Variants in AGAP6 observed in about 807,000 individuals in gnomAD.
The protein encoded by AGAP6 is ArfGAP with GTPase domain, ankyrin repeat and PH domain 6, also known as arf-GAP with GTPase, ANK repeat and PH domain-containing protein 6.
AGAP6 carries 29 observed loss-of-function variants against 63.9 expected under a neutral mutation model. The ratio of observed to expected loss-of-function variants is 0.45; its 90% CI spans 0.34 to 0.62. The LOEUF (loss-of-function observed/expected upper bound fraction) is 0.62. Among genes scored for constraint, AGAP6 ranks in the 20% least tolerant of loss-of-function variants. AGAP6 has a pLI of 0.01. For synonymous variants in AGAP6, 199 were observed against 332.9 expected (o/e 0.60, Z 4.38); for missense variants, 493 against 884.9 (o/e 0.56, Z 5.62).
At position 50,010,398 on chromosome 10, in the gene AGAP6, C is replaced by T; in HGVS notation, c.*212C>T. 1 of 1,025,422 alleles carries T rather than the reference C, an allele frequency of 9.8e-7. No individual in the cohort carries two copies. Among genetic ancestry groups the T allele is most frequent in the South Asian group, 1.7e-5 (1 of 59,962 alleles). 63.5% of individuals were successfully genotyped at this position (1,025,422 alleles called of 1,614,324 possible). A position where few individuals can be genotyped will look rare whatever the true frequency, so the allele number is the denominator to read the frequency against. ...CCAAGGTGGATTTGTTAGTCTCAGG[C>T]CCTCCTGGCCACATTGCCCAAGTCA... On this transcript the variant is annotated 3_prime_UTR_variant, in exon 8 of 8. Transcript: ENST00000412531.
Position 49,991,760 on chromosome 10 carries a change from C to G in AGAP6, c.361+16C>G. On this transcript the variant is annotated intron_variant, in intron 3 of 7. Transcript: ENST00000412531. ...CAAACAGATGGTGAGACGACATTGT[C>G]TTTTCCACCAAGAGAAAGAATAAAA... The G allele has an allele frequency of 1.3e-6, 2 of 1,597,986 alleles. No homozygotes were observed. Among genetic ancestry groups the G allele is most frequent in the South Asian group, 2.2e-5 (2 of 90,998 alleles).
At chr10:49,994,308 G>C (rs71258675) in intron 3 of AGAP6, 87 bp from the exon 4 acceptor site, 2 of 1,312,660 alleles carry the variant, frequency 1.5e-6, no homozygotes, top group Middle Eastern at 2.9e-4. Flanking sequence ...CTCATTTTAC[G>C]TAGGAGTAAT....
intron 2 of AGAP6, 121 bp from the exon 3 acceptor site, chr10:49,991,555 C>A: frequency 7.5e-7 from 1 of 1,341,924 alleles, no homozygotes; most frequent in South Asian, 1.4e-5. Context: ...ACATTCATTT[C>A]AATGGATAAG....
chr10:49,992,442 T>C (rs563346569), intron 3 of AGAP6, among the ~76,000 whole-genome samples: 38 of 152,336 alleles, frequency 2.5e-4, no homozygotes, highest in African/African-American at 8.7e-4. Context: ...TGCGAAGTAA[T>C]GCAGCACAGT....
chr10:49,996,284 A>G (rs1841483378), intron 4 of AGAP6, among the ~76,000 whole-genome samples: 3 of 151,950 alleles, frequency 2.0e-5, no homozygotes, highest in East Asian at 3.9e-4. Flanking sequence ...GGTCCTATCA[A>G]TTCCTTTTTT....
chr10:49,997,937 G>A (rs1162716374), intron 4 of AGAP6, among the ~76,000 whole-genome samples: 2 of 121,254 alleles, frequency 1.6e-5, no homozygotes, highest in African/African-American at 5.9e-5. Context: ...CTTCCATCCA[G>A]GTTGCTGGGA....
Position 50,008,937 on chromosome 10 carries a change from A to C in AGAP6, c.812A>C (p.Asn271Thr). 6.2e-7 allele frequency: 1 copy of C among 1,613,984 alleles called. No individual in the cohort carries two copies. Among genetic ancestry groups the C allele is most frequent in the Non-Finnish European group, 8.5e-7 (1 of 1,179,922 alleles). ...DPDKERKAPENHADTIGSGRA... is the reference protein window; with the variant it reads ...DPDKERKAPETHADTIGSGRA... ...GACAAAGAGAGGAAAGCCCCGGAGA[A>C]TCATGCTGACACCATCGGGAGCGGT... The change falls in exon 8 of 8, where the codon AAT (asparagine) becomes ACT (threonine). Residue 271 changes from asparagine (N) to threonine (T), a missense_variant. Physicochemically the swap from Asn to Thr is moderately conservative, Grantham distance 65. Around this residue, in one of 7 missense-constraint regions of AGAP6, gnomAD observed 342 missense variants for 533.4 expected, o/e 0.64. Coordinates refer to ENST00000412531, the MANE Select transcript of AGAP6 (RefSeq NM_001077665.3).
At chr10:50,006,605 G>A (rs1214223890) in intron 6 of AGAP6, among the ~76,000 whole-genome samples, 2 of 152,184 alleles carry the variant, frequency 1.3e-5, no homozygotes, top group Admixed American at 6.5e-5. Flanking sequence ...TCGAACTCCC[G>A]AAGGAGCTCA....
At chr10:49,989,770 G>A (rs1385533592) in intron 2 of AGAP6, among the ~76,000 whole-genome samples, 41 of 152,296 alleles carry the variant, frequency 2.7e-4, no homozygotes, top group East Asian at 1.3e-3. Flanking sequence ...AGTGCTTAAA[G>A]TAATTGTGAA....
intron 5 of AGAP6, among the ~76,000 whole-genome samples, chr10:50,003,736 G>A (rs541061427): frequency 2.6e-5 from 4 of 152,320 alleles, no homozygotes; most frequent in South Asian, 4.1e-4. Context: ...AGTTTAGGAC[G>A]AGAAACTGCT....
In AGAP6 at chr10:49,989,289, T is replaced by C. The variant is rs1554860308; in HGVS notation, c.224-19T>C. 23 of 1,596,266 alleles carry C rather than the reference T, an allele frequency of 1.4e-5. No individual in the cohort carries two copies. Among genetic ancestry groups the C allele is most frequent in the Non-Finnish European group, 1.9e-5 (23 of 1,179,586 alleles). On this transcript the variant is annotated intron_variant, in intron 1 of 7. Coordinates refer to ENST00000412531, the MANE Select transcript of AGAP6 (RefSeq NM_001077665.3). ...ATAAATGATTACATCCTTTTTCTTT[T>C]CTCCCTCTATACATATAGCTTTGGA...
At chr10:50,007,015 G>A (rs1265406020) in intron 6 of AGAP6, among the ~76,000 whole-genome samples, 70 of 150,794 alleles carry the variant, frequency 4.6e-4, no homozygotes, top group Non-Finnish European at 9.3e-4. Context: ...AAGTGTCAAT[G>A]AAAAAGCAGG....
Position 50,010,484 on chromosome 10 carries a change from C to G in AGAP6, c.*298C>G. The G allele has an allele frequency of 1.6e-6, 1 of 637,586 alleles. No individual in the cohort carries two copies. The highest frequency in any genetic ancestry group is 2.6e-6 in the Non-Finnish European group (1 of 383,298). 39.5% of individuals were successfully genotyped at this position (637,586 alleles called of 1,614,324 possible). On this transcript the variant is annotated 3_prime_UTR_variant, in exon 8 of 8. Transcript: ENST00000412531. The stretch of plus-strand genomic sequence containing the variant: ...GTGAAAACATATTTGAAATAAAGTT[C>G]ATAAATATGCATTGATTTTTGTACA...
At chr10:50,004,372 CATAAA>C (rs1421495803) in intron 5 of AGAP6, among the ~76,000 whole-genome samples, 1 of 151,152 alleles carries the variant, frequency 6.6e-6, no homozygotes. Context: ...TAAATAAATA[CATAAA>C]ATAAATCGCA....
intron 4 of AGAP6, among the ~76,000 whole-genome samples, chr10:49,996,330 C>A (rs1200343538): frequency 1.3e-5 from 2 of 151,994 alleles, no homozygotes; most frequent in Admixed American, 1.3e-4. Context: ...AGGCTTCCTT[C>A]CAATGTGTGG....
chr10:50,006,914 A>G (rs1841931500), intron 6 of AGAP6, among the ~76,000 whole-genome samples: 1 of 152,162 alleles, frequency 6.6e-6, no homozygotes, highest in South Asian at 2.1e-4. Context: ...AGTGAAGAAT[A>G]GAATGACTAC....
chr10:49,989,947 G>T (rs1172178764), intron 2 of AGAP6, among the ~76,000 whole-genome samples: 4 of 152,006 alleles, frequency 2.6e-5, no homozygotes, highest in African/African-American at 9.7e-5. Context: ...TTATTTACCT[G>T]CTTGTTCTAA....
chr10:49,994,262 A>G, intron 3 of AGAP6, 133 bp from the exon 4 acceptor site: 1 of 1,034,300 alleles, frequency 9.7e-7, no homozygotes, highest in Non-Finnish European at 1.3e-6. Context: ...TTTAAATTAT[A>G]AATTATTGAA....
chr10:49,993,862 T>G (rs1390896441), intron 3 of AGAP6, among the ~76,000 whole-genome samples: 1 of 152,008 alleles, frequency 6.6e-6, no homozygotes, highest in Non-Finnish European at 1.5e-5. Flanking sequence ...ACTTTCCAGT[T>G]GTGTAAAGAC....
Sources: gnomAD v4.1 joint callset for allele counts (sites outside exome capture counted in the v4.1 genomes callset) on GRCh38, gnomAD v4.1.1 for gene constraint, gnomAD v4.1.1 regional missense constraint, MANE v1.5 for transcripts, NCBI Gene and HGNC (gene_info 2026-07-23, HGNC 2026-07-21) for gene names.